GART: variants seen among roughly 807,000 people sequenced by gnomAD.
GART encodes phosphoribosylglycinamide formyltransferase, phosphoribosylglycinamide synthetase, phosphoribosylaminoimidazole synthetase.
GART carries 43 observed loss-of-function variants against 107.2 expected under a neutral mutation model. The observed-to-expected ratio is 0.40, with a 90% CI of 0.31 to 0.52. The LOEUF (loss-of-function observed/expected upper bound fraction) is 0.52. Among genes scored for constraint, GART ranks in the 20% least tolerant of loss-of-function variants. The probability of loss-of-function intolerance (pLI) is 0.52; values close to 1 mark genes in which losing one functional copy is unlikely to be tolerated. For synonymous variants in GART, 434 were observed against 427.0 expected (o/e 1.02, Z -0.20); for missense variants, 1,107 against 1,206.5 (o/e 0.92, Z 1.22).
chr21:33,518,261 T>A (rs544927613), intron 14 of GART, among the ~76,000 whole-genome samples: 1 of 152,102 alleles, frequency 6.6e-6, no homozygotes, highest in Non-Finnish European at 1.5e-5. Flanking sequence ...GGCAGGTGGA[T>A]CAGGTCAGGA....
chr21:33,505,977 A>G lies in GART; in HGVS notation c.2580T>C (p.Thr860=). Residue 860 remains threonine, a synonymous_variant, in exon 19 of 22, where the codon ACT becomes ACC. Transcript: ENST00000381815. ...LDKAERAGIP[T]RVINHKLYKN... ...GATATTTTCCCAAGTAACTTACTCT[A>G]GTGGGAATACCAGCTCTTTCCGCTT... 2 of 1,614,018 alleles carry G rather than the reference A, an allele frequency of 1.2e-6. No homozygotes were observed. The highest frequency in any genetic ancestry group is 1.7e-6 in the Non-Finnish European group (2 of 1,179,968).
intron 11 of GART, among the ~76,000 whole-genome samples, chr21:33,523,421 C>G (rs979770818): frequency 4.6e-5 from 7 of 152,112 alleles, no homozygotes; most frequent in Admixed American, 4.6e-4. Flanking sequence ...TTAAATAATT[C>G]AGACTAGAAT....
At chr21:33,531,437 C>G in intron 6 of GART, 52 bp downstream of exon 6, 2 of 1,506,980 alleles carry the variant, frequency 1.3e-6, no homozygotes, top group Non-Finnish European at 1.8e-6. Flanking sequence ...GTACACAGGT[C>G]AGATGACAGC....
Position 33,520,642 on chromosome 21 carries a change from A to G in GART, c.1504-80T>C, listed in dbSNP as rs1005984591. On this transcript the variant is annotated intron_variant, in intron 13 of 21. Coordinates refer to ENST00000381815, the MANE Select transcript of GART (RefSeq NM_000819.5). ...TTATCCATTTGATTAGCTGCTCTTA[A>G]CACCTAAAAACAAAAGAACACGAAA... The G allele has an allele frequency of 5.6e-5, 70 of 1,242,554 alleles. No homozygotes were observed. In the Middle Eastern group the frequency reaches 2.2e-3, roughly 40 times the overall value. 77.0% of individuals were successfully genotyped at this position (1,242,554 alleles called of 1,614,324 possible).
chr21:33,538,009 G>A (rs1460809503), intron 2 of GART, among the ~76,000 whole-genome samples: 1 of 152,074 alleles, frequency 6.6e-6, no homozygotes, highest in Non-Finnish European at 1.5e-5. Context: ...TTGGGAGGCT[G>A]AGGCGGGCAG....
chr21:33,523,252 A>T (rs984023654), intron 11 of GART, among the ~76,000 whole-genome samples: 1 of 152,256 alleles, frequency 6.6e-6, no homozygotes, highest in Non-Finnish European at 1.5e-5. Context: ...ACAAAAAACA[A>T]AAAAGCTGCC....
At chr21:33,534,826 T>C in intron 3 of GART, 73 bp from the exon 4 acceptor site, 1 of 1,277,556 alleles carries the variant, frequency 7.8e-7, no homozygotes, top group Non-Finnish European at 1.1e-6. Context: ...GACGAATTAG[T>C]ATCAGACTAT....
chr21:33,541,780 C>G lies in GART; in HGVS notation c.-42+285G>C, dbSNP rs148473340. Among the ~76,000 whole-genome samples, 9 of 152,228 alleles carry G rather than the reference C, an allele frequency of 5.9e-5. No individual in the cohort carries two copies. In the East Asian group the frequency reaches 1.7e-3, roughly 29 times the overall value. ...TAACCAAGTAATCTGCCAGAGACAA[C>G]GGGTGCATAAAGAGAAAGTACACCA... On this transcript the variant is annotated intron_variant, in intron 1 of 21. Transcript: ENST00000381815.
rs899129391 is a variant in GART, at chr21:33,524,918, C to T, written c.1149G>A (p.Gly383=). The T allele has an allele frequency of 1.9e-6, 3 of 1,614,202 alleles. No homozygotes were observed. Among genetic ancestry groups the T allele is most frequent in the East Asian group, 2.2e-5 (1 of 44,888 alleles). ...ALKNGKVVTH[G]GRVLAVTAIR... is the part of the protein sequence containing the mutation. ...TGGCTGTGACTGCAAGAACTCTACCCCCATGAGTTACTACTTTGCCATTTT... is the reference window on the plus strand; with the variant it reads ...TGGCTGTGACTGCAAGAACTCTACCTCCATGAGTTACTACTTTGCCATTTT... The change falls in exon 11 of 22, where the codon GGG becomes GGA. Residue 383 remains glycine, a synonymous_variant. Coordinates refer to ENST00000381815, the MANE Select transcript of GART (RefSeq NM_000819.5).
rs760838753 is a variant in GART, at chr21:33,528,503, T to G, written c.897+16A>C. The G allele has an allele frequency of 6.3e-7, 1 of 1,583,092 alleles. No individual in the cohort carries two copies. Among genetic ancestry groups the G allele is most frequent in the South Asian group, 1.2e-5 (1 of 86,886 alleles). On this transcript the variant is annotated intron_variant, in intron 9 of 21. Coordinates refer to ENST00000381815, the MANE Select transcript of GART (RefSeq NM_000819.5). ...ACATATCTTCTACCAAGTAATACTT[T>G]GATATTTTTACCCACTTGGCACTCT... is the stretch of plus-strand genomic sequence containing the variant.
At chr21:33,518,987 A>C (rs1400321701) in intron 14 of GART, 6 of 323,080 alleles carry the variant, frequency 1.9e-5, no homozygotes, top group Non-Finnish European at 3.7e-5. Flanking sequence ...TCACCCCTTC[A>C]ATACCAGAGA....
rs755202925 is a variant in GART, at chr21:33,531,564, G to A, written c.529-7C>T. ...CTGCCCCAAAGGCTTTCTCCTGATT[G>A]TAAGATTTTTTTTTTTTTTTTTTTT... On this transcript the variant is annotated splice_polypyrimidine_tract_variant and splice_region_variant and intron_variant, in intron 5 of 21. Transcript: ENST00000381815. 6.7e-7 allele frequency: 1 copy of A among 1,496,488 alleles called. No individual in the cohort carries two copies. The highest frequency in any genetic ancestry group is 9.0e-7 in the Non-Finnish European group (1 of 1,109,064). 92.7% of individuals were successfully genotyped at this position (1,496,488 alleles called of 1,614,324 possible).
intron 17 of GART, 76 bp downstream of exon 17, chr21:33,511,176 T>C (rs2084777945): frequency 6.7e-6 from 10 of 1,488,628 alleles, no homozygotes; most frequent in Non-Finnish European, 8.4e-6. Flanking sequence ...GCAGAAAGCT[T>C]GTGAGGCAAG....
At chr21:33,513,524 C>G (rs912549973) in intron 16 of GART, among the ~76,000 whole-genome samples, 1 of 151,934 alleles carries the variant, frequency 6.6e-6, no homozygotes, top group African/African-American at 2.4e-5. Flanking sequence ...GAGCTGAGAT[C>G]GCACTACTGT....
chr21:33,519,664 C>T lies in GART; in HGVS notation c.1702+700G>A, dbSNP rs796593788. Among the ~76,000 whole-genome samples the T allele has an allele frequency of 7.9e-5, 12 of 151,374 alleles. No homozygotes were observed. In the South Asian group the frequency reaches 2.5e-3, roughly 32 times the overall value. ...GCAACATGGCAAAACCCTATCTCTA[C>T]AAAAAGTACAAAAATTAGCTGGGTT... On this transcript the variant is annotated intron_variant, in intron 14 of 21. Coordinates refer to ENST00000381815, the MANE Select transcript of GART (RefSeq NM_000819.5).
chr21:33,511,153 C>T, intron 17 of GART, 99 bp downstream of exon 17: 1 of 1,193,282 alleles, frequency 8.4e-7, no homozygotes, highest in Non-Finnish European at 1.2e-6. Flanking sequence ...GCGATGGCTG[C>T]ACTAAAAGGT....
intron 16 of GART, among the ~76,000 whole-genome samples, chr21:33,512,289 G>GAAAAA (rs563178142): frequency 3.5e-4 from 23 of 65,440 alleles, no homozygotes; most frequent in East Asian, 5.2e-4. Context: ...GACTCAAATT[G>GAAAAA]AAAAAAAAAA....
Position 33,530,902 on chromosome 21 carries a change from T to C in GART, c.598-18A>G, listed in dbSNP as rs757733114. The C allele has an allele frequency of 4.6e-6, 7 of 1,510,740 alleles. No homozygotes were observed. Among genetic ancestry groups the C allele is most frequent in the Middle Eastern group, 1.8e-4 (1 of 5,650 alleles). 93.6% of individuals were successfully genotyped at this position (1,510,740 alleles called of 1,614,324 possible). ...CACAGACACTATAAAGAAAACAAAA[T>C]AGTCCATTTATGTTAACTGTCAAAA... On this transcript the variant is annotated intron_variant, in intron 6 of 21. Coordinates refer to ENST00000381815, the MANE Select transcript of GART (RefSeq NM_000819.5).
intron 5 of GART, 163 bp from the exon 6 acceptor site, chr21:33,531,720 T>C (rs764032659): frequency 5.7e-5 from 35 of 615,264 alleles, no homozygotes; most frequent in Non-Finnish European, 8.3e-5. Flanking sequence ...CATATAAATG[T>C]TTCCTATTTT....
Sources: gnomAD v4.1 joint callset for allele counts (sites outside exome capture counted in the v4.1 genomes callset) on GRCh38, gnomAD v4.1.1 for gene constraint, MANE v1.5 for transcripts, NCBI Gene and HGNC (gene_info 2026-07-23, HGNC 2026-07-21) for gene names.